DOCK8: variants seen among roughly 807,000 people sequenced by gnomAD.
The protein encoded by DOCK8 is dedicator of cytokinesis protein 8.
Under a neutral mutation model 245.6 loss-of-function variants are expected in DOCK8, and 141 were observed. The observed-to-expected ratio is 0.57, with a 90% confidence interval of 0.50 to 0.66. The LOEUF is 0.66. Among genes scored for constraint, DOCK8 ranks in the 30% least tolerant of loss-of-function variants. The probability of loss-of-function intolerance (pLI) is 0.00; values close to 1 mark genes in which losing one functional copy is unlikely to be tolerated. For synonymous variants in DOCK8, 1,168 were observed against 970.2 expected, an observed-to-expected ratio of 1.20 and a Z score of -3.79; for missense variants, 2,965 against 2,603.4, an observed-to-expected ratio of 1.14 and a Z score of -3.02.
At chr9:406,865 A>T in intron 27 of DOCK8, 65 bp from the exon 28 acceptor site, 2 of 1,609,118 alleles carry the variant, frequency 1.2e-6, no homozygotes, top group Non-Finnish European at 1.7e-6. Context: ...CTCAGTAAAC[A>T]CTGGCCATCG....
At chr9:401,091 CCACCAT>C (rs2055072280) in intron 26 of DOCK8, among the ~76,000 whole-genome samples, 1 of 112,910 alleles carries the variant, frequency 8.9e-6, no homozygotes, top group South Asian at 2.2e-4. Context: ...ACCACCTCCA[CCACCAT>C]CACCACCTCT....
At chr9:323,513 G>A (rs564119410) in intron 7 of DOCK8, among the ~76,000 whole-genome samples, 22 of 152,140 alleles carry the variant, frequency 1.4e-4, no homozygotes, top group African/African-American at 5.1e-4. Context: ...GAGCCACTGC[G>A]CCTGGCCAAA....
intron 1 of DOCK8, among the ~76,000 whole-genome samples, chr9:253,803 A>G (rs1434084600): frequency 6.6e-6 from 1 of 152,170 alleles, no homozygotes; most frequent in Non-Finnish European, 1.5e-5. Context: ...TATTCCTGTT[A>G]ATTATCATGG....
intron 14 of DOCK8, among the ~76,000 whole-genome samples, chr9:363,960 A>G (rs1023524572): frequency 1.3e-5 from 2 of 152,198 alleles, no homozygotes; most frequent in Non-Finnish European, 2.9e-5. Flanking sequence ...AGCTACTTCA[A>G]AGCACCTTCA....
At chr9:218,404 A>C (rs2046810873) in intron 1 of DOCK8, among the ~76,000 whole-genome samples, 1 of 152,192 alleles carries the variant, frequency 6.6e-6, no homozygotes, top group African/African-American at 2.4e-5. Context: ...AGAAAGGTGA[A>C]ATTAATTTTC....
chr9:261,310 T>C (rs1051237016), intron 1 of DOCK8, among the ~76,000 whole-genome samples: 3 of 152,200 alleles, frequency 2.0e-5, no homozygotes, highest in Admixed American at 2.0e-4. Context: ...TTCTTTTTGG[T>C]TTTTATATAA....
intron 24 of DOCK8, among the ~76,000 whole-genome samples, chr9:392,595 C>T (rs1041823929): frequency 6.6e-6 from 1 of 152,222 alleles, no homozygotes. Flanking sequence ...TCTACACCAC[C>T]TCTGTTCTGT....
chr9:277,851 C>T (rs997017897), intron 2 of DOCK8, among the ~76,000 whole-genome samples: 2 of 152,154 alleles, frequency 1.3e-5, no homozygotes, highest in Admixed American at 1.3e-4. Context: ...AAAAAAGTCT[C>T]ATAGCTTAGA....
chr9:421,959 G>T (rs371086888), intron 32 of DOCK8, 89 bp from the exon 33 acceptor site: 15 of 1,148,494 alleles, frequency 1.3e-5, no homozygotes, highest in East Asian at 2.4e-5. Context: ...TGGTGCTGAG[G>T]CTTCTCAGTT....
intron 14 of DOCK8, among the ~76,000 whole-genome samples, chr9:363,054 C>G (rs1455455844): frequency 6.6e-6 from 1 of 152,160 alleles, no homozygotes; most frequent in African/African-American, 2.4e-5. Flanking sequence ...GGATTCGTTG[C>G]TAAATCAGTG....
At chr9:247,398 G>A (rs144195985) in intron 1 of DOCK8, among the ~76,000 whole-genome samples, 98 of 152,120 alleles carry the variant, frequency 6.4e-4, no homozygotes, top group African/African-American at 2.3e-3. Context: ...AACTGAGAGG[G>A]TATTTTCGAC....
chr9:376,750 A>G lies in DOCK8; in HGVS notation c.2206-227A>G, dbSNP rs2360702. On this transcript the variant is annotated intron_variant, in intron 19 of 47. Transcript: ENST00000432829. ...TCTGCTTACAGAACATGTCAGAGCC[A>G]AAATTATTTCTTCTTTAGCTAATAA... Among the ~76,000 whole-genome samples, 127,789 of 152,214 alleles carry G rather than the reference A, an allele frequency of 0.84. 54,718 individuals are homozygous for G. The highest frequency in any genetic ancestry group is 0.96 in the South Asian group (4,654 of 4,830).
At chr9:292,552 T>C (rs2049092387) in intron 4 of DOCK8, among the ~76,000 whole-genome samples, 1 of 151,926 alleles carries the variant, frequency 6.6e-6, no homozygotes, top group East Asian at 1.9e-4. Flanking sequence ...CTTCTATATA[T>C]TTCTTGGCCA....
At chr9:365,385 G>A (rs1394357103) in intron 14 of DOCK8, among the ~76,000 whole-genome samples, 2 of 152,056 alleles carry the variant, frequency 1.3e-5, no homozygotes, top group East Asian at 3.9e-4. Flanking sequence ...TGTTTTTAGG[G>A]GGCTCTATAA....
At chr9:423,648 A>G (rs1035568932) in intron 33 of DOCK8, among the ~76,000 whole-genome samples, 1 of 152,212 alleles carries the variant, frequency 6.6e-6, no homozygotes, top group Non-Finnish European at 1.5e-5. Flanking sequence ...GTGACTTGGA[A>G]ACCCAGTTGT....
At chr9:305,480 T>C (rs554798177) in intron 5 of DOCK8, among the ~76,000 whole-genome samples, 80 of 152,064 alleles carry the variant, frequency 5.3e-4, no homozygotes, top group East Asian at 2.9e-3. Context: ...AGAGACGGGG[T>C]TTCACCGTGT....
At chr9:386,558 CA>C (rs2131326509) in intron 23 of DOCK8, 132 bp downstream of exon 23, 114 of 755,116 alleles carry the variant, frequency 1.5e-4, no homozygotes, top group Non-Finnish European at 2.1e-4. Context: ...ACACACACCC[CA>C]CACACACTTT....
intron 14 of DOCK8, among the ~76,000 whole-genome samples, chr9:355,841 A>G (rs2052417012): frequency 6.6e-6 from 1 of 152,178 alleles, no homozygotes; most frequent in Non-Finnish European, 1.5e-5. Flanking sequence ...CTACATACAT[A>G]TTATCAAATG....
intron 23 of DOCK8, among the ~76,000 whole-genome samples, chr9:386,903 A>G (rs939223535): frequency 2.0e-5 from 3 of 152,248 alleles, no homozygotes; most frequent in Non-Finnish European, 4.4e-5. Context: ...ATAAACTAAT[A>G]TGAAATGCTT....
Sources: gnomAD v4.1 joint callset for allele counts (sites outside exome capture counted in the v4.1 genomes callset) on GRCh38, gnomAD v4.1.1 for gene constraint, MANE v1.5 for transcripts, NCBI Gene and HGNC (gene_info 2026-07-23, HGNC 2026-07-21) for gene names.